The following VPS13B variants were observed in gnomAD, a reference collection of about 807,000 sequenced individuals.
VPS13B encodes the protein vacuolar protein sorting 13 homolog B.
VPS13B carries 285 observed loss-of-function variants against 426.4 expected under a neutral mutation model. The ratio of observed to expected loss-of-function variants is 0.67; its 90% CI spans 0.61 to 0.74. The LOEUF (loss-of-function observed/expected upper bound fraction) is 0.74, where lower values mean the gene tolerates loss of function less well. Ranked by LOEUF, VPS13B falls within the 30% of genes least tolerant of loss-of-function variation. The probability of loss-of-function intolerance (pLI) is 0.00; values close to 1 mark genes in which losing one functional copy is unlikely to be tolerated. For synonymous variants in VPS13B, 1,676 were observed against 1,676.4 expected (o/e 1.00, Z 0.01); for missense variants, 4,537 against 4,782.6 (o/e 0.95, Z 1.51).
rs1413847751 is a variant in VPS13B at position 99,676,109 on chromosome 8, G to A, written c.6046+14618G>A. Among the ~76,000 whole-genome samples the A allele has an allele frequency of 2.0e-5, 3 of 152,126 alleles. No individual in the cohort carries two copies. The East Asian group carries it at 5.8e-4, about 29-fold the overall frequency. On this transcript the variant is annotated intron_variant, in intron 35 of 61. Coordinates refer to ENST00000357162, the MANE Select transcript of VPS13B (RefSeq NM_152564.5). ...CTTTGTCTGAGAATGCCCTTCAACA[G>A]TAAGCCTGTCTAGAACTTTTTGGTC... is the stretch of plus-strand genomic sequence containing the variant.
At chr8:99,768,123 G>T (rs1185216751) in intron 40 of VPS13B, among the ~76,000 whole-genome samples, 1 of 152,182 alleles carries the variant, frequency 6.6e-6, no homozygotes, top group African/African-American at 2.4e-5. Flanking sequence ...ACAACCAGTG[G>T]AACAGCTTTC....
intron 33 of VPS13B, among the ~76,000 whole-genome samples, chr8:99,623,392 T>C (rs1278788941): frequency 6.6e-6 from 1 of 152,206 alleles, no homozygotes; most frequent in Admixed American, 6.5e-5. Context: ...TCTACTAACA[T>C]ACTGCATATT....
chr8:99,813,053 A>G (rs1258919705), intron 44 of VPS13B, among the ~76,000 whole-genome samples: 1 of 152,230 alleles, frequency 6.6e-6, no homozygotes, highest in Non-Finnish European at 1.5e-5. Flanking sequence ...TAATTTTCAA[A>G]ATAAAGGCAT....
chr8:99,102,857 C>T (rs1846831652), intron 4 of VPS13B, 96 bp from the exon 5 acceptor site: 1 of 1,223,816 alleles, frequency 8.2e-7, no homozygotes, highest in African/African-American at 1.5e-5. Flanking sequence ...TAAATAATAA[C>T]CACCTTTCTC....
At position 99,103,087 on chromosome 8, in the gene VPS13B, G is replaced by T. The variant is rs1227284058; in HGVS notation, c.547G>T (p.Glu183Ter). 1.9e-6 allele frequency: 3 copies of T among 1,613,996 alleles called. No individual in the cohort carries two copies. Among genetic ancestry groups the T allele is most frequent in the Non-Finnish European group, 2.5e-6 (3 of 1,179,940 alleles). Residue 183 changes from glutamate (E) to a stop codon, truncating the protein, a stop_gained, in exon 5 of 62, where the codon GAA becomes TAA. Transcript: ENST00000357162. LOFTEE classifies it high-confidence loss of function. ...TTCTGCAGAATGTTATACAGTAGGT[G>T]AATTATGGGATCGTGCATTCATGGA... ...ITSAECYTVG[E>*]LWDRAFMDIS...
At chr8:99,314,772 T>C (rs951035713) in intron 19 of VPS13B, among the ~76,000 whole-genome samples, 3 of 152,246 alleles carry the variant, frequency 2.0e-5, no homozygotes, top group African/African-American at 2.4e-5. Context: ...TTAGAGCTAA[T>C]GATATTTGCT....
chr8:99,272,865 C>A (rs1818671143), intron 17 of VPS13B, among the ~76,000 whole-genome samples: 1 of 152,092 alleles, frequency 6.6e-6, no homozygotes, highest in South Asian at 2.1e-4. Context: ...GGTTGAGTGA[C>A]CCCCTACTCT....
At chr8:99,420,509 A>G (rs1471456479) in intron 21 of VPS13B, among the ~76,000 whole-genome samples, 1 of 152,170 alleles carries the variant, frequency 6.6e-6, no homozygotes, top group Non-Finnish European at 1.5e-5. Flanking sequence ...GTGGCTTGGA[A>G]TTTCTACGTT....
chr8:99,835,089 A>G (rs1815312095), intron 52 of VPS13B, 108 bp from the exon 53 acceptor site: 2 of 1,383,708 alleles, frequency 1.4e-6, no homozygotes, highest in Non-Finnish European at 2.0e-6. Context: ...TATAAAACAG[A>G]TATTTTCGAG....
chr8:99,460,915 A>C (rs750497261), intron 23 of VPS13B, among the ~76,000 whole-genome samples: 6 of 152,218 alleles, frequency 3.9e-5, no homozygotes, highest in Non-Finnish European at 8.8e-5. Flanking sequence ...TTCATGCAAG[A>C]ACATCACAGA....
rs1485618798 is a variant in VPS13B, at chr8:99,694,685, A to C, written c.6047-4840A>C. On this transcript the variant is annotated intron_variant, in intron 35 of 61. Coordinates refer to ENST00000357162, the MANE Select transcript of VPS13B (RefSeq NM_152564.5). ...CCAAAAGCAATGGCAACAAAAGCCAAAATTGACAAATGGGATCTAATTAAA... is the reference window on the plus strand; with the variant it reads ...CCAAAAGCAATGGCAACAAAAGCCACAATTGACAAATGGGATCTAATTAAA... Among the ~76,000 whole-genome samples the C allele has an allele frequency of 2.0e-5, 3 of 146,992 alleles. No individual in the cohort carries two copies. In the East Asian group the frequency reaches 6.1e-4, roughly 30 times the overall value.
intron 39 of VPS13B, among the ~76,000 whole-genome samples, chr8:99,722,858 T>C (rs1346325358): frequency 6.6e-6 from 1 of 152,202 alleles, no homozygotes; most frequent in Non-Finnish European, 1.5e-5. Flanking sequence ...CTGTAGATTT[T>C]CAATCAACAT....
intron 35 of VPS13B, among the ~76,000 whole-genome samples, chr8:99,676,722 T>C (rs944720712): frequency 2.6e-5 from 4 of 152,054 alleles, no homozygotes; most frequent in Non-Finnish European, 5.9e-5. Flanking sequence ...TTGTTCAACA[T>C]GATGTTGCTA....
chr8:99,624,007 A>ATTTTTT (rs1165382455), intron 33 of VPS13B, among the ~76,000 whole-genome samples: 2 of 101,122 alleles, frequency 2.0e-5, no homozygotes, highest in African/African-American at 4.4e-5. Context: ...ATATATATAT[A>ATTTTTT]TTTTTTTTTT....
intron 36 of VPS13B, among the ~76,000 whole-genome samples, chr8:99,710,057 C>T (rs528385559): frequency 3.3e-5 from 5 of 152,162 alleles, no homozygotes; most frequent in South Asian, 2.1e-4. Flanking sequence ...GATTTTATAT[C>T]GTAAACTTTT....
In VPS13B at chr8:99,481,829, A is replaced by C. The variant is rs1369149579; in HGVS notation, c.3870+27A>C. The C allele has an allele frequency of 3.1e-6, 5 of 1,611,598 alleles. No homozygotes were observed. In the African/African-American group the frequency reaches 6.7e-5, roughly 22 times the overall value. On this transcript the variant is annotated intron_variant, in intron 25 of 61. Coordinates refer to ENST00000357162, the MANE Select transcript of VPS13B (RefSeq NM_152564.5). Reference sequence around the variant, plus strand: ...TAAGTGTTTTTGAAAATCCTGTTACAAAATGAAGGTTAATATATAACACAG... The same window carrying C: ...TAAGTGTTTTTGAAAATCCTGTTACCAAATGAAGGTTAATATATAACACAG...
intron 30 of VPS13B, among the ~76,000 whole-genome samples, chr8:99,533,096 C>T (rs753561469): frequency 2.6e-5 from 4 of 151,618 alleles, no homozygotes; most frequent in African/African-American, 4.8e-5. Context: ...CGCACAACCA[C>T]GCCGGCTAAT....
chr8:99,658,672 G>A (rs1361984233), intron 34 of VPS13B, among the ~76,000 whole-genome samples: 5 of 151,974 alleles, frequency 3.3e-5, no homozygotes, highest in Admixed American at 3.3e-4. Context: ...TAATTTCCTA[G>A]GTCAAGTGAC....
At chr8:99,737,055 T>G (rs1234002067) in intron 39 of VPS13B, among the ~76,000 whole-genome samples, 2 of 149,666 alleles carry the variant, frequency 1.3e-5, no homozygotes, top group Non-Finnish European at 3.0e-5. Flanking sequence ...AATGAAAAAT[T>G]CTGTCCTATT....
Sources: gnomAD v4.1 joint callset for allele counts (sites outside exome capture counted in the v4.1 genomes callset) on GRCh38, gnomAD v4.1.1 for gene constraint, MANE v1.5 for transcripts, NCBI Gene and HGNC (gene_info 2026-07-23, HGNC 2026-07-21) for gene names.